The following OSBPL8 variants were observed in gnomAD, a reference collection of about 807,000 sequenced individuals.
OSBPL8 encodes oxysterol-binding protein-related protein 8.
In OSBPL8, 59 loss-of-function variants were observed where a neutral mutation model predicts 125.5. The observed-to-expected ratio is 0.47, with a 90% CI of 0.38 to 0.58. The LOEUF is 0.58. OSBPL8 is among the 20% of genes least tolerant of loss of function. The pLI, the probability that OSBPL8 is intolerant of heterozygous loss-of-function variation, is 0.00. For synonymous variants in OSBPL8, 330 were observed against 338.9 expected (o/e 0.97, Z 0.29); for missense variants, 758 against 1,047.8 (o/e 0.72, Z 3.82).
At chr12:76,356,464 G>T (rs56737915) in intron 23 of OSBPL8, among the ~76,000 whole-genome samples, 162 bp downstream of exon 23, 214 of 152,094 alleles carry the variant, frequency 1.4e-3, no homozygotes, top group African/African-American at 4.9e-3. Flanking sequence ...AGTGCTGGAG[G>T]AATTTCGTAA....
At chr12:76,418,305 G>A (rs147796658) in intron 4 of OSBPL8, among the ~76,000 whole-genome samples, 13 of 152,024 alleles carry the variant, frequency 8.6e-5, no homozygotes, top group African/African-American at 2.2e-4. Flanking sequence ...GTGCCAGGCC[G>A]ATTTTCACTA....
intron 2 of OSBPL8, among the ~76,000 whole-genome samples, chr12:76,476,302 T>A (rs1001083914): frequency 6.6e-6 from 1 of 151,990 alleles, no homozygotes; most frequent in African/African-American, 2.4e-5. Flanking sequence ...ACAAAAATAA[T>A]ATTCTAAGGA....
intron 1 of OSBPL8, among the ~76,000 whole-genome samples, chr12:76,491,503 A>G (rs1047456601): frequency 1.7e-4 from 26 of 152,224 alleles, no homozygotes; most frequent in African/African-American, 6.0e-4. Context: ...TAAGGTTGAC[A>G]TTTGGCTCCT....
At chr12:76,367,379 C>G (rs1416853196) in intron 21 of OSBPL8, among the ~76,000 whole-genome samples, 1 of 152,008 alleles carries the variant, frequency 6.6e-6, no homozygotes, top group East Asian at 1.9e-4. Context: ...CTATTGGCCA[C>G]CTCATTTTTC....
At chr12:76,447,390 C>G (rs1343523668) in intron 4 of OSBPL8, among the ~76,000 whole-genome samples, 1 of 152,142 alleles carries the variant, frequency 6.6e-6, no homozygotes, top group African/African-American at 2.4e-5. Flanking sequence ...AGTATTCTTG[C>G]CAAAAATGCT....
chr12:76,447,104 CT>C (rs1431641706), intron 4 of OSBPL8, among the ~76,000 whole-genome samples: 1 of 152,138 alleles, frequency 6.6e-6, no homozygotes, highest in Non-Finnish European at 1.5e-5. Flanking sequence ...TATTTTTCAA[CT>C]CCTAATATTG....
chr12:76,515,056 T>C (rs1344093114), intron 1 of OSBPL8, among the ~76,000 whole-genome samples: 1 of 152,208 alleles, frequency 6.6e-6, no homozygotes, highest in Non-Finnish European at 1.5e-5. Context: ...ATTGTTTTAT[T>C]GTGATTCTTA....
At chr12:76,471,303 C>T (rs1421395839) in intron 2 of OSBPL8, among the ~76,000 whole-genome samples, 2 of 152,166 alleles carry the variant, frequency 1.3e-5, no homozygotes, top group Non-Finnish European at 2.9e-5. Context: ...AAACCGACTT[C>T]ATCTTCCCTT....
intron 1 of OSBPL8, among the ~76,000 whole-genome samples, chr12:76,540,118 T>C (rs142598249): frequency 8.5e-5 from 13 of 152,324 alleles, no homozygotes; most frequent in African/African-American, 3.1e-4. Flanking sequence ...TGTTCACAGC[T>C]AGATTGAGAT....
At chr12:76,478,571 T>C (rs1358170856) in intron 2 of OSBPL8, among the ~76,000 whole-genome samples, 1 of 151,978 alleles carries the variant, frequency 6.6e-6, no homozygotes, top group Non-Finnish European at 1.5e-5. Context: ...AGTCCAATTA[T>C]ATACCTGAAT....
At chr12:76,483,460 A>C (rs1877765037) in intron 2 of OSBPL8, among the ~76,000 whole-genome samples, 1 of 148,754 alleles carries the variant, frequency 6.7e-6, no homozygotes, top group African/African-American at 2.5e-5. Flanking sequence ...GCTACTCGGG[A>C]GGCTGAGGCA....
chr12:76,500,758 GA>G (rs569967603), intron 1 of OSBPL8, among the ~76,000 whole-genome samples: 1 of 151,668 alleles, frequency 6.6e-6, no homozygotes, highest in Non-Finnish European at 1.5e-5. Context: ...CAGGGTAAGA[GA>G]AAAAAAGAAT....
chr12:76,556,224 A>C (rs1393836082), intron 1 of OSBPL8, among the ~76,000 whole-genome samples: 1 of 152,192 alleles, frequency 6.6e-6, no homozygotes, highest in Non-Finnish European at 1.5e-5. Flanking sequence ...CAAAACAGAC[A>C]AGGTCCTTGC....
Position 76,386,154 on chromosome 12 carries a change from T to A in OSBPL8, c.1533+14A>T. The A allele has an allele frequency of 6.2e-7, 1 of 1,600,720 alleles. No homozygotes were observed. The highest frequency in any genetic ancestry group is 8.5e-7 in the Non-Finnish European group (1 of 1,175,918). On this transcript the variant is annotated intron_variant, in intron 14 of 23. Coordinates refer to ENST00000261183, the MANE Select transcript of OSBPL8 (RefSeq NM_020841.5). ...TCCAGATCAGTTTTGTTTCCATACATGCATTTCTAATACCTGTTCAGCAAT... is the reference window on the plus strand; with the variant it reads ...TCCAGATCAGTTTTGTTTCCATACAAGCATTTCTAATACCTGTTCAGCAAT...
rs542395737 is a variant in OSBPL8 at position 76,371,380 on chromosome 12, A to G, written c.2054+68T>C. ...TATGACAGAAGGTGACAAAATGACC[A>G]TATCATTAAGGAATTGAAAAACTAC... On this transcript the variant is annotated intron_variant, in intron 19 of 23. Coordinates refer to ENST00000261183, the MANE Select transcript of OSBPL8 (RefSeq NM_020841.5). 10 of 1,438,862 alleles carry G rather than the reference A, an allele frequency of 6.9e-6. 1 individual carries two copies. The South Asian group carries it at 1.6e-4, about 24-fold the overall frequency. 89.1% of individuals were successfully genotyped at this position (1,438,862 alleles called of 1,614,324 possible).
intron 6 of OSBPL8, among the ~76,000 whole-genome samples, chr12:76,400,576 C>T (rs1954011440): frequency 6.6e-6 from 1 of 152,124 alleles, no homozygotes. Flanking sequence ...AATCACCACA[C>T]TGTCTTTTAT....
chr12:76,481,608 C>A (rs1877500939), intron 2 of OSBPL8, among the ~76,000 whole-genome samples: 1 of 151,880 alleles, frequency 6.6e-6, no homozygotes, highest in African/African-American at 2.4e-5. Context: ...CCAGCCTGGG[C>A]AACGGAGCAA....
At chr12:76,544,307 G>A (rs982058244) in intron 1 of OSBPL8, among the ~76,000 whole-genome samples, 2 of 152,102 alleles carry the variant, frequency 1.3e-5, no homozygotes, top group Non-Finnish European at 2.9e-5. Flanking sequence ...GTGAGACTTG[G>A]TTCAGAAAGA....
chr12:76,411,114 T>C (rs372614296), intron 4 of OSBPL8, among the ~76,000 whole-genome samples: 15 of 152,304 alleles, frequency 9.8e-5, no homozygotes, highest in African/African-American at 3.1e-4. Flanking sequence ...GCACTTAGCA[T>C]AGTGTTTTTG....
Sources: allele counts gnomAD v4.1 joint callset (sites outside exome capture counted in the v4.1 genomes callset), GRCh38; gene constraint gnomAD v4.1.1; transcripts MANE v1.5; gene names NCBI Gene and HGNC (gene_info 2026-07-23, HGNC 2026-07-21).